Variants in HYDIN observed in about 807,000 individuals in gnomAD.
HYDIN encodes the protein axonemal central pair apparatus protein HYDIN.
In HYDIN, 132 loss-of-function variants were observed where a neutral mutation model predicts 403.9. The observed-to-expected ratio is 0.33, with a 90% confidence interval of 0.28 to 0.38. The LOEUF (loss-of-function observed/expected upper bound fraction) is 0.38, where lower values mean the gene tolerates loss of function less well. Ranked by LOEUF, HYDIN falls within the 10% of genes least tolerant of loss-of-function variation. The pLI is 1.00. For missense variants in HYDIN, 2,827 were observed against 5,009.5 expected (o/e 0.56, Z 13.15); for synonymous variants, 1,202 against 1,891.7 (o/e 0.64, Z 9.46).
At chr16:70,868,905 T>C in intron 65 of HYDIN, 117 bp from the exon 66 acceptor site, 1 of 866,878 alleles carries the variant, frequency 1.2e-6, no homozygotes, top group South Asian at 1.7e-5. Context: ...AAATGCATGT[T>C]AAGCCTGTGT....
At position 71,129,549 on chromosome 16, in the gene HYDIN, C is replaced by T. The variant is rs929310; in HGVS notation, c.1227+91G>A. The T allele has an allele frequency of 2.3e-5, 30 of 1,281,186 alleles. No homozygotes were observed. The African/African-American group carries it at 3.0e-4, about 13-fold the overall frequency. 79.4% of individuals were successfully genotyped at this position (1,281,186 alleles called of 1,614,324 possible). Reference sequence around the variant, plus strand: ...GACTCTTCACTCTCTTGCAACTCACCGTCTCAATCCCCAAGTGAGCGCTCT... The same window carrying T: ...GACTCTTCACTCTCTTGCAACTCACTGTCTCAATCCCCAAGTGAGCGCTCT... On this transcript the variant is annotated intron_variant, in intron 9 of 85. Coordinates refer to ENST00000393567, the MANE Select transcript of HYDIN (RefSeq NM_001270974.2).
At chr16:71,125,668 C>G (rs1379867141) in intron 9 of HYDIN, among the ~76,000 whole-genome samples, 1 of 151,934 alleles carries the variant, frequency 6.6e-6, no homozygotes, top group Non-Finnish European at 1.5e-5. Context: ...CATCATAATT[C>G]TCCCAATATC....
chr16:70,938,772 G>C lies in HYDIN; in HGVS notation c.6854-17C>G, dbSNP rs569086110. ...GCTTGCGTTCTGTGAGGGGAACAGA[G>C]ACGGGAAGGTGAGGAAAAGTCCTTC... On this transcript the variant is annotated splice_polypyrimidine_tract_variant and intron_variant, in intron 43 of 85. Coordinates refer to ENST00000393567, the MANE Select transcript of HYDIN (RefSeq NM_001270974.2). 2 of 1,613,402 alleles carry C rather than the reference G, an allele frequency of 1.2e-6. No individual in the cohort carries two copies. The highest frequency in any genetic ancestry group is 2.2e-5 in the East Asian group (1 of 44,872).
intron 42 of HYDIN, among the ~76,000 whole-genome samples, 181 bp from the exon 43 acceptor site, chr16:70,942,000 A>C (rs1482573065): frequency 6.8e-6 from 1 of 148,144 alleles, no homozygotes; most frequent in African/African-American, 2.5e-5. Context: ...AAAAATGTTT[A>C]ATCAGCCAGT....
intron 57 of HYDIN, among the ~76,000 whole-genome samples, chr16:70,891,207 G>T (rs1474405854): frequency 1.3e-5 from 2 of 151,508 alleles, no homozygotes; most frequent in African/African-American, 4.9e-5. Context: ...TTATTTTTTT[G>T]AGACAGAGTC....
rs1392792371 is a variant in HYDIN at position 71,044,901 on chromosome 16, G to C, written c.2530-12984C>G. On this transcript the variant is annotated intron_variant, in intron 18 of 85. Coordinates refer to ENST00000393567, the MANE Select transcript of HYDIN (RefSeq NM_001270974.2). The stretch of plus-strand genomic sequence containing the variant: ...TAGAATAAAGTTTTCTTCTTCCGGT[G>C]ATGATACAGGTTTGCTTCTGGGAAA... Among the ~76,000 whole-genome samples, 4 of 150,704 alleles carry C rather than the reference G, an allele frequency of 2.7e-5. No homozygotes were observed. The Admixed American group carries it at 2.7e-4, about 10-fold the overall frequency.
At chr16:71,051,264 G>A (rs1192631341) in intron 18 of HYDIN, among the ~76,000 whole-genome samples, 2 of 152,102 alleles carry the variant, frequency 1.3e-5, no homozygotes, top group Non-Finnish European at 2.9e-5. Context: ...ATTTCAGCAC[G>A]TGTTAATGAT....
At chr16:71,019,837 C>T (rs1193734650) in intron 22 of HYDIN, among the ~76,000 whole-genome samples, 1 of 152,220 alleles carries the variant, frequency 6.6e-6, no homozygotes, top group Non-Finnish European at 1.5e-5. Context: ...CTAAAAAACA[C>T]CATATTTGAA....
At position 70,804,967 on chromosome 16, in the gene HYDIN, A is replaced by AAGC. The variant is rs2035045726; in HGVS notation, c.*2612_*2613insGCT. Among the ~76,000 whole-genome samples the AAGC allele has an allele frequency of 1.3e-5, 2 of 152,340 alleles. No individual in the cohort carries two copies. Among genetic ancestry groups the AAGC allele is most frequent in the Admixed American group, 6.5e-5 (1 of 15,310 alleles). On this transcript the variant is annotated 3_prime_UTR_variant, in exon 86 of 86. Transcript: ENST00000393567. ...TGGGGCTGGTGGCATGTTAGACAAG[A>AAGC]TTTCAGACAGCTTCTTCCACCTTTT... is the stretch of plus-strand genomic sequence containing the variant.
At chr16:71,062,458 G>T in intron 16 of HYDIN, 125 bp from the exon 17 acceptor site, 1 of 726,580 alleles carries the variant, frequency 1.4e-6, no homozygotes, top group Non-Finnish European at 2.2e-6. Flanking sequence ...ATTCAAGCAA[G>T]TAAATAGGGA....
intron 4 of HYDIN, among the ~76,000 whole-genome samples, chr16:71,177,965 G>A (rs1273726983): frequency 6.6e-6 from 1 of 152,184 alleles, no homozygotes; most frequent in East Asian, 1.9e-4. Flanking sequence ...CATAGACAGT[G>A]AGAGAAGCCT....
In HYDIN at chr16:70,908,234, A is replaced by G. The variant is rs143865116; in HGVS notation, c.8396+18T>C. 0.047 allele frequency: 66,581 copies of G among 1,425,622 alleles called. 1,882 individuals carry two copies. The highest frequency in any genetic ancestry group is 0.056 in the Non-Finnish European group (57,572 of 1,027,190). The allele number at this position is 1,425,622 out of a possible 1,614,324, so 88.3% of individuals were successfully genotyped here. On this transcript the variant is annotated intron_variant, in intron 49 of 85. Coordinates refer to ENST00000393567, the MANE Select transcript of HYDIN (RefSeq NM_001270974.2). Reference sequence around the variant, plus strand: ...AACACATCTGTCAACCTTTTCTTTTAAAATGAAACACACTTACTTTGGGTC... The same window carrying G: ...AACACATCTGTCAACCTTTTCTTTTGAAATGAAACACACTTACTTTGGGTC...
intron 13 of HYDIN, among the ~76,000 whole-genome samples, chr16:71,072,561 G>A (rs2082500929): frequency 6.7e-6 from 1 of 149,686 alleles, no homozygotes; most frequent in Non-Finnish European, 1.5e-5. Context: ...ACAATCTTTG[G>A]GAAATGTAGA....
At chr16:70,979,962 A>G (rs1361244197) in intron 29 of HYDIN, among the ~76,000 whole-genome samples, 4 of 152,032 alleles carry the variant, frequency 2.6e-5, no homozygotes, top group Admixed American at 2.6e-4. Context: ...AGCCTATTAT[A>G]AAACAATAGG....
chr16:70,848,563 GT>G (rs2038382826), intron 75 of HYDIN, among the ~76,000 whole-genome samples: 1 of 117,518 alleles, frequency 8.5e-6, no homozygotes, highest in Admixed American at 9.2e-5. Context: ...GGCCAATAAA[GT>G]TTCTGCTCAG....
intron 36 of HYDIN, among the ~76,000 whole-genome samples, chr16:70,967,958 T>C (rs200407034): frequency 0.028 from 4,208 of 150,846 alleles, 411 homozygotes; most frequent in Admixed American, 0.2. Flanking sequence ...CAGAAACAAA[T>C]GTATCATTGA....
At chr16:71,137,806 A>C (rs2084991209) in intron 7 of HYDIN, among the ~76,000 whole-genome samples, 1 of 152,098 alleles carries the variant, frequency 6.6e-6, no homozygotes, top group Non-Finnish European at 1.5e-5. Context: ...ATTTGAGAAC[A>C]GTGATCAGGA....
chr16:70,897,644 G>C (rs1358276024), intron 53 of HYDIN, among the ~76,000 whole-genome samples: 1 of 146,124 alleles, frequency 6.8e-6, no homozygotes. Flanking sequence ...GCTGAATTTT[G>C]AATTGAGGAA....
At chr16:71,133,018 G>A (rs2084775121) in intron 8 of HYDIN, 1 of 277,140 alleles carries the variant, frequency 3.6e-6, no homozygotes, top group Non-Finnish European at 7.1e-6. Flanking sequence ...GTAAAACCAT[G>A]GGCTTAACCC....
Sources: allele counts gnomAD v4.1 joint callset (sites outside exome capture counted in the v4.1 genomes callset), GRCh38; gene constraint gnomAD v4.1.1; transcripts MANE v1.5; gene names NCBI Gene and HGNC (gene_info 2026-07-23, HGNC 2026-07-21).